Variants in MACROD2 observed in about 807,000 individuals in gnomAD.
MACROD2 encodes the protein ADP-ribose glycohydrolase MACROD2.
MACROD2 carries 36 observed loss-of-function variants against 70.4 expected under a neutral mutation model. The observed-to-expected ratio is 0.51, with a 90% CI of 0.39 to 0.68. The LOEUF is 0.68. MACROD2 is among the 30% of genes least tolerant of loss of function. The pLI is 0.00. For missense variants in MACROD2, 496 were observed against 538.4 expected, an observed-to-expected ratio of 0.92 and a Z score of 0.78; for synonymous variants, 172 against 178.8, an observed-to-expected ratio of 0.96 and a Z score of 0.30.
chr20:15,329,415 T>C (rs12480080), intron 6 of MACROD2, among the ~76,000 whole-genome samples: 21,539 of 151,792 alleles, frequency 0.14, 1,662 homozygotes, highest in Middle Eastern at 0.22. Flanking sequence ...CCCAGGTAGT[T>C]CAGCTTTAAA....
chr20:14,250,922 G>C (rs537000380), intron 3 of MACROD2, among the ~76,000 whole-genome samples: 3 of 151,858 alleles, frequency 2.0e-5, no homozygotes, highest in Non-Finnish European at 2.9e-5. Flanking sequence ...TTTTGTTATG[G>C]TTCCTCATGG....
At chr20:14,122,914 C>T (rs950573634) in intron 3 of MACROD2, among the ~76,000 whole-genome samples, 31 of 152,156 alleles carry the variant, frequency 2.0e-4, no homozygotes, top group African/African-American at 7.2e-4. Flanking sequence ...GAAATACATC[C>T]GTTATACAGG....
intron 8 of MACROD2, among the ~76,000 whole-genome samples, chr20:15,810,782 G>A (rs370835735): frequency 1.3e-5 from 2 of 151,876 alleles, no homozygotes; most frequent in African/African-American, 2.4e-5. Flanking sequence ...AAATAATGCC[G>A]CATATCTACA....
chr20:14,190,811 C>T lies in MACROD2; in HGVS notation c.271+105083C>T, dbSNP rs560180955. 1.7e-4 allele frequency among the ~76,000 whole-genome samples: 24 copies of T among 145,138 alleles called. No homozygotes were observed. The East Asian group carries it at 4.7e-3, about 29-fold the overall frequency. ...CAAGCTCCGCCTCCCAGGTTCATGC[C>T]ATTCTCCTGCCTCAGCCTCCTGAGT... On this transcript the variant is annotated intron_variant, in intron 3 of 17. Coordinates refer to ENST00000684519, the MANE Select transcript of MACROD2 (RefSeq NM_001351661.2).
chr20:14,510,593 G>T (rs1212487868), intron 4 of MACROD2, among the ~76,000 whole-genome samples: 2 of 152,056 alleles, frequency 1.3e-5, no homozygotes, highest in Non-Finnish European at 2.9e-5. Context: ...AGCGAGTTTT[G>T]TCTTGTCTCA....
intron 3 of MACROD2, among the ~76,000 whole-genome samples, chr20:14,303,431 C>A (rs2082493563): frequency 6.6e-6 from 1 of 152,174 alleles, no homozygotes; most frequent in African/African-American, 2.4e-5. Flanking sequence ...TGGGAAGCCA[C>A]AGTGGTGATA....
Position 14,085,780 on chromosome 20 carries a change from A to G in MACROD2, c.271+52A>G, listed in dbSNP as rs535164306. The stretch of plus-strand genomic sequence containing the variant: ...GTTTGTTATGTAAGTATTATTTCAA[A>G]ATTTTTAAATAAATAAGAATGTAAG... On this transcript the variant is annotated intron_variant, in intron 3 of 17. Transcript: ENST00000684519. 127 of 1,046,026 alleles carry G rather than the reference A, an allele frequency of 1.2e-4. 2 individuals are homozygous for G. In the South Asian group the frequency reaches 2.6e-3, roughly 22 times the overall value. 64.8% of individuals were successfully genotyped at this position (1,046,026 alleles called of 1,614,324 possible). A position where few individuals can be genotyped will look rare whatever the true frequency, so the allele number is the denominator to read the frequency against.
At chr20:14,345,543 A>G (rs2083055254) in intron 3 of MACROD2, among the ~76,000 whole-genome samples, 1 of 151,512 alleles carries the variant, frequency 6.6e-6, no homozygotes, top group Non-Finnish European at 1.5e-5. Context: ...GTCTTACTCT[A>G]TCGCCTAGGC....
At chr20:15,916,614 ATTAT>A (rs1469866502) in intron 10 of MACROD2, among the ~76,000 whole-genome samples, 1 of 152,076 alleles carries the variant, frequency 6.6e-6, no homozygotes, top group East Asian at 1.9e-4. Context: ...CTGCTTTTGG[ATTAT>A]TTGAGATCTC....
chr20:15,475,963 G>A (rs1367965794), intron 7 of MACROD2, among the ~76,000 whole-genome samples: 1 of 152,120 alleles, frequency 6.6e-6, no homozygotes, highest in Non-Finnish European at 1.5e-5. Flanking sequence ...GAAATATATT[G>A]CAAAAAAAGG....
chr20:15,427,795 T>C (rs1404829465), intron 6 of MACROD2, among the ~76,000 whole-genome samples: 1 of 152,184 alleles, frequency 6.6e-6, no homozygotes, highest in Non-Finnish European at 1.5e-5. Context: ...AAAATGTTGA[T>C]AGTTGAAGGC....
rs868317476 is a variant in MACROD2 at position 14,230,703 on chromosome 20, G to A, written c.271+144975G>A. On this transcript the variant is annotated intron_variant, in intron 3 of 17. Coordinates refer to ENST00000684519, the MANE Select transcript of MACROD2 (RefSeq NM_001351661.2). Reference sequence around the variant, plus strand: ...TATATATATATATATATATATATGGGCCCAGCCTATGTTATAATTTGACCT... The same window carrying A: ...TATATATATATATATATATATATGGACCCAGCCTATGTTATAATTTGACCT... 7.0e-5 allele frequency among the ~76,000 whole-genome samples: 7 copies of A among 100,516 alleles called. 1 individual carries two copies. Among genetic ancestry groups the A allele is most frequent in the Admixed American group, 3.3e-4 (3 of 9,016 alleles). The allele number at this position is 100,516 out of a possible 152,430, so 65.9% of individuals were successfully genotyped here.
intron 6 of MACROD2, among the ~76,000 whole-genome samples, chr20:15,240,156 C>A (rs1014455345): frequency 6.6e-6 from 1 of 152,270 alleles, no homozygotes; most frequent in East Asian, 1.9e-4. Flanking sequence ...TGCTTCTGAC[C>A]TGTTCTTACC....
chr20:14,763,792 G>T (rs2072048213), intron 5 of MACROD2, among the ~76,000 whole-genome samples: 1 of 152,106 alleles, frequency 6.6e-6, no homozygotes, highest in African/African-American at 2.4e-5. Context: ...ATAGCTGAGA[G>T]ACGGTGTCTA....
intron 8 of MACROD2, among the ~76,000 whole-genome samples, chr20:15,744,971 T>C (rs1422464454): frequency 6.6e-6 from 1 of 152,196 alleles, no homozygotes; most frequent in Admixed American, 6.5e-5. Context: ...AGATAAAAAC[T>C]AAATACTAAC....
At chr20:15,221,911 C>G (rs1156626697) in intron 5 of MACROD2, among the ~76,000 whole-genome samples, 1 of 152,150 alleles carries the variant, frequency 6.6e-6, no homozygotes. Flanking sequence ...ATTCTGTATG[C>G]CTCTATCAAC....
intron 3 of MACROD2, among the ~76,000 whole-genome samples, chr20:14,166,423 T>C (rs1192861564): frequency 2.0e-5 from 3 of 152,184 alleles, no homozygotes; most frequent in Non-Finnish European, 4.4e-5. Context: ...GTTAGCTTTC[T>C]ATTCTTATCT....
intron 4 of MACROD2, among the ~76,000 whole-genome samples, chr20:14,665,115 A>T (rs888868978): frequency 2.6e-5 from 4 of 152,146 alleles, no homozygotes; most frequent in Non-Finnish European, 4.4e-5. Context: ...GGTGACTCTG[A>T]TGCCATTTTA....
chr20:14,868,787 T>G (rs372182), intron 5 of MACROD2, among the ~76,000 whole-genome samples: 37,970 of 152,054 alleles, frequency 0.25, 5,488 homozygotes, highest in Non-Finnish European at 0.33. Context: ...ACAGGCAGTG[T>G]GTGGGTGGTA....
Sources: gnomAD v4.1 joint callset for allele counts (sites outside exome capture counted in the v4.1 genomes callset) on GRCh38, gnomAD v4.1.1 for gene constraint, MANE v1.5 for transcripts, NCBI Gene and HGNC (gene_info 2026-07-23, HGNC 2026-07-21) for gene names.